Variants in AKAP7 observed in about 807,000 individuals in gnomAD.
The protein encoded by AKAP7 is A kinase (PRKA) anchor protein 7.
AKAP7 carries 39 observed loss-of-function variants against 39.5 expected under a neutral mutation model. The ratio of observed to expected loss-of-function variants is 0.99; its 90% CI spans 0.76 to 1.29. AKAP7 has a LOEUF of 1.29. AKAP7 is among the 50% of genes most tolerant of loss of function. The probability of loss-of-function intolerance (pLI) is 0.00; values close to 1 mark genes in which losing one functional copy is unlikely to be tolerated. For missense variants in AKAP7, 414 were observed against 407.7 expected (o/e 1.02, Z -0.13); for synonymous variants, 140 against 139.1 (o/e 1.01, Z -0.05).
intron 7 of AKAP7, among the ~76,000 whole-genome samples, chr6:131,257,716 G>A (rs1220762294): frequency 6.6e-6 from 1 of 152,152 alleles, no homozygotes; most frequent in Non-Finnish European, 1.5e-5. Flanking sequence ...TGTAGAGCAA[G>A]TACCATCAGG....
chr6:131,197,511 C>G (rs190143797), intron 5 of AKAP7, among the ~76,000 whole-genome samples: 2 of 152,288 alleles, frequency 1.3e-5, no homozygotes, highest in Admixed American at 1.3e-4. Flanking sequence ...ACATATTAGA[C>G]AACTCGAAGT....
intron 5 of AKAP7, among the ~76,000 whole-genome samples, chr6:131,194,154 T>G (rs762960086): frequency 6.6e-6 from 1 of 152,080 alleles, no homozygotes. Context: ...TTTTGCTTTT[T>G]TTTGATGTAG....
Position 131,165,220 on chromosome 6 carries a change from G to A in AKAP7, c.428+3G>A. The A allele has an allele frequency of 1.3e-6, 2 of 1,596,236 alleles. No homozygotes were observed. The highest frequency in any genetic ancestry group is 1.7e-6 in the Non-Finnish European group (2 of 1,170,390). ...TTAAATGAAGATGAAGTAAACATGT[G>A]AGTAATGTATCTTTCTTAAATATAA... On this transcript the variant is annotated splice_donor_region_variant and intron_variant, in intron 4 of 7. Transcript: ENST00000431975.
intron 7 of AKAP7, among the ~76,000 whole-genome samples, chr6:131,222,718 T>G (rs1809815993): frequency 1.3e-5 from 2 of 152,174 alleles, no homozygotes. Context: ...ATTGTTGAAA[T>G]GACAACAAAG....
chr6:131,135,553 G>A lies in AKAP7; in HGVS notation c.-211G>A, dbSNP rs1437394717. 2 of 212,694 alleles carry A rather than the reference G, an allele frequency of 9.4e-6. No homozygotes were observed. The highest frequency in any genetic ancestry group is 4.7e-5 in the African/African-American group (2 of 42,322). The allele number at this position is 212,694 out of a possible 1,614,324, so 13.2% of individuals were successfully genotyped here. A position where few individuals can be genotyped will look rare whatever the true frequency, so the allele number is the denominator to read the frequency against. ...CGCTGCTGCCGCTGCCGCGGGGGCTGCGGCTTGGGAAGCTCCGCGCTTCCG... is the reference window on the plus strand; with the variant it reads ...CGCTGCTGCCGCTGCCGCGGGGGCTACGGCTTGGGAAGCTCCGCGCTTCCG... On this transcript the variant is annotated 5_prime_UTR_variant, in exon 1 of 8. Transcript: ENST00000431975.
rs187014501 is a variant in AKAP7, at chr6:131,253,700, T to C, written c.851-27830T>C. Reference sequence around the variant, plus strand: ...TTTATTTATTTATTTATTTATAAGCTCCAACATAGGAATGAGAACATACAA... The same window carrying C: ...TTTATTTATTTATTTATTTATAAGCCCCAACATAGGAATGAGAACATACAA... On this transcript the variant is annotated intron_variant, in intron 7 of 7. Coordinates refer to ENST00000431975, the MANE Select transcript of AKAP7 (RefSeq NM_016377.4). Among the ~76,000 whole-genome samples, 258 of 150,824 alleles carry C rather than the reference T, an allele frequency of 1.7e-3. 1 individual carries two copies. Among genetic ancestry groups the C allele is most frequent in the African/African-American group, 6.1e-3 (252 of 41,046 alleles).
At chr6:131,232,123 G>C (rs749376) in intron 7 of AKAP7, among the ~76,000 whole-genome samples, 1 of 152,056 alleles carries the variant, frequency 6.6e-6, no homozygotes, top group East Asian at 1.9e-4. Flanking sequence ...CCAACCGTCT[G>C]TTGGTTTCAA....
At chr6:131,219,100 C>T (rs933076202) in intron 6 of AKAP7, among the ~76,000 whole-genome samples, 1 of 151,902 alleles carries the variant, frequency 6.6e-6, no homozygotes, top group African/African-American at 2.4e-5. Context: ...AACCCTGTCT[C>T]TACTAAAATT....
intron 7 of AKAP7, among the ~76,000 whole-genome samples, chr6:131,263,702 G>T (rs1317835436): frequency 1.3e-5 from 2 of 152,190 alleles, no homozygotes; most frequent in African/African-American, 4.8e-5. Flanking sequence ...CAGAGAGAAT[G>T]TGAGAGGAGC....
At chr6:131,254,380 T>A (rs555461318) in intron 7 of AKAP7, among the ~76,000 whole-genome samples, 2 of 152,358 alleles carry the variant, frequency 1.3e-5, no homozygotes, top group East Asian at 3.9e-4. Context: ...TGAACAGAAA[T>A]GTCATTGCAG....
intron 5 of AKAP7, among the ~76,000 whole-genome samples, chr6:131,179,524 A>AG (rs1271120638): frequency 6.6e-6 from 1 of 152,160 alleles, no homozygotes; most frequent in Admixed American, 6.5e-5. Flanking sequence ...AGGCTCCACG[A>AG]GGGCCAGGAC....
At chr6:131,140,548 T>G (rs1250412793) in intron 1 of AKAP7, among the ~76,000 whole-genome samples, 1 of 152,240 alleles carries the variant, frequency 6.6e-6, no homozygotes, top group African/African-American at 2.4e-5. Context: ...CACTTATTGC[T>G]AAGAATCTGT....
At chr6:131,249,614 AT>A (rs1199249795) in intron 7 of AKAP7, among the ~76,000 whole-genome samples, 1 of 152,176 alleles carries the variant, frequency 6.6e-6, no homozygotes, top group Non-Finnish European at 1.5e-5. Flanking sequence ...AACTAAGGCT[AT>A]TCCCTCTATA....
intron 7 of AKAP7, among the ~76,000 whole-genome samples, chr6:131,279,786 G>T (rs993347856): frequency 2.6e-5 from 4 of 152,130 alleles, no homozygotes; most frequent in Non-Finnish European, 5.9e-5. Flanking sequence ...TTGATACAGA[G>T]CACAAGTAGG....
chr6:131,152,622 G>A lies in AKAP7; in HGVS notation c.151+7206G>A, dbSNP rs191868379. ...GAGGGCGGATCACTTGAGGTCAGGA[G>A]TTGGAGACCAGCCTGGCCAACATGC... On this transcript the variant is annotated intron_variant, in intron 2 of 7. Transcript: ENST00000431975. Among the ~76,000 whole-genome samples, 750 of 151,712 alleles carry A rather than the reference G, an allele frequency of 4.9e-3. 4 individuals are homozygous for A. The highest frequency in any genetic ancestry group is 0.021 in the Middle Eastern group (6 of 292).
At chr6:131,158,818 T>G (rs569792501) in intron 2 of AKAP7, among the ~76,000 whole-genome samples, 38 of 152,126 alleles carry the variant, frequency 2.5e-4, no homozygotes, top group African/African-American at 8.9e-4. Flanking sequence ...GGGAACTGTA[T>G]TTTGAACAGT....
intron 7 of AKAP7, among the ~76,000 whole-genome samples, chr6:131,234,455 A>C (rs1344253251): frequency 6.6e-6 from 1 of 152,192 alleles, no homozygotes; most frequent in Non-Finnish European, 1.5e-5. Flanking sequence ...TTTTGAACTG[A>C]AAATGAGAAT....
At chr6:131,177,351 A>C (rs1290836149) in intron 5 of AKAP7, among the ~76,000 whole-genome samples, 1 of 152,206 alleles carries the variant, frequency 6.6e-6, no homozygotes, top group Non-Finnish European at 1.5e-5. Flanking sequence ...TGAGAACCAC[A>C]TGCTGGGTCA....
upstream of AKAP7, among the ~76,000 whole-genome samples, chr6:131,130,476 A>G (rs1254052202): frequency 6.6e-6 from 1 of 152,146 alleles, no homozygotes; most frequent in Non-Finnish European, 1.5e-5. Flanking sequence ...TTGTATTGTT[A>G]GTAGAGACAG....
Sources: allele counts gnomAD v4.1 joint callset (sites outside exome capture counted in the v4.1 genomes callset), GRCh38; gene constraint gnomAD v4.1.1; transcripts MANE v1.5; gene names NCBI Gene and HGNC (gene_info 2026-07-23, HGNC 2026-07-21).